CNTNAP5: variants seen among roughly 807,000 people sequenced by gnomAD.
The protein encoded by CNTNAP5 is contactin-associated protein-like 5.
CNTNAP5 carries 72 observed loss-of-function variants against 150.2 expected under a neutral mutation model. That is an observed-to-expected ratio of 0.48 (90% confidence interval 0.40 to 0.58). CNTNAP5 has a LOEUF of 0.58. CNTNAP5 is among the 20% of genes least tolerant of loss of function. CNTNAP5 has a pLI of 0.00. For missense variants in CNTNAP5, 1,636 were observed against 1,626.2 expected (o/e 1.01, Z -0.10); for synonymous variants, 672 against 619.8 (o/e 1.08, Z -1.25).
chr2:124,591,735 T>C (rs1696687923), intron 11 of CNTNAP5, among the ~76,000 whole-genome samples: 1 of 152,182 alleles, frequency 6.6e-6, no homozygotes, highest in Non-Finnish European at 1.5e-5. Context: ...TGGTGTCTTC[T>C]CTACCTCTGC....
chr2:124,642,952 G>T (rs949973701), intron 12 of CNTNAP5, among the ~76,000 whole-genome samples: 3 of 152,142 alleles, frequency 2.0e-5, no homozygotes, highest in Non-Finnish European at 4.4e-5. Flanking sequence ...AAGCCATGGG[G>T]CACAGTATTT....
chr2:124,826,774 A>C (rs1167624778), intron 19 of CNTNAP5, among the ~76,000 whole-genome samples: 1 of 152,046 alleles, frequency 6.6e-6, no homozygotes, highest in Non-Finnish European at 1.5e-5. Context: ...CTATTTCTGA[A>C]ACACCCCTGA....
At chr2:124,753,585 G>A (rs532445634) in intron 14 of CNTNAP5, among the ~76,000 whole-genome samples, 14 of 152,168 alleles carry the variant, frequency 9.2e-5, no homozygotes, top group East Asian at 3.9e-4. Context: ...TTCTATGCCC[G>A]GATTATTTCA....
chr2:124,888,652 A>C (rs757343783), intron 21 of CNTNAP5, among the ~76,000 whole-genome samples: 1 of 152,064 alleles, frequency 6.6e-6, no homozygotes, highest in African/African-American at 2.4e-5. Flanking sequence ...GATTCATATG[A>C]GATGGTATCT....
intron 1 of CNTNAP5, among the ~76,000 whole-genome samples, chr2:124,158,793 A>G (rs534064991): frequency 8.9e-4 from 136 of 152,236 alleles, no homozygotes; most frequent in Non-Finnish European, 1.7e-3. Context: ...TCTTACCAAG[A>G]CATCTCACTA....
chr2:124,377,772 T>A (rs1558874771), intron 3 of CNTNAP5, among the ~76,000 whole-genome samples: 1 of 151,170 alleles, frequency 6.6e-6, no homozygotes, highest in African/African-American at 2.4e-5. Context: ...TTTTAGGAAA[T>A]GTTATGGCTA....
intron 3 of CNTNAP5, among the ~76,000 whole-genome samples, chr2:124,365,774 T>C (rs1690356044): frequency 6.6e-6 from 1 of 152,202 alleles, no homozygotes; most frequent in Non-Finnish European, 1.5e-5. Flanking sequence ...ACATGAAAGA[T>C]CTAAAAGACA....
At chr2:124,824,367 A>G (rs548967071) in intron 19 of CNTNAP5, among the ~76,000 whole-genome samples, 147 of 152,254 alleles carry the variant, frequency 9.7e-4, no homozygotes, top group African/African-American at 3.4e-3. Flanking sequence ...GTACTTTCAA[A>G]CAGAAAATAG....
rs1338350093 is a variant in CNTNAP5 at position 124,644,604 on chromosome 2, T to C, written c.1877-3154T>C. Among the ~76,000 whole-genome samples, 4 of 152,298 alleles carry C rather than the reference T, an allele frequency of 2.6e-5. No homozygotes were observed. The East Asian group carries it at 5.8e-4, about 22-fold the overall frequency. On this transcript the variant is annotated intron_variant, in intron 12 of 23. Coordinates refer to ENST00000682447, the MANE Select transcript of CNTNAP5 (RefSeq NM_001367498.1). ...ACTTAGAAGGAAATATAAATCTATA[T>C]GAATTAGTAAATATGGAGACCAATT...
intron 10 of CNTNAP5, among the ~76,000 whole-genome samples, chr2:124,535,734 G>A (rs1054839150): frequency 9.9e-5 from 15 of 152,052 alleles, no homozygotes; most frequent in African/African-American, 1.2e-4. Context: ...CCGAGATCGC[G>A]CCACTGCACT....
chr2:124,278,704 G>T (rs1242609697), intron 3 of CNTNAP5, among the ~76,000 whole-genome samples: 1 of 152,146 alleles, frequency 6.6e-6, no homozygotes, highest in African/African-American at 2.4e-5. Context: ...CAAATAGCTT[G>T]AACTAAGGTG....
At chr2:124,614,529 G>A (rs945006670) in intron 12 of CNTNAP5, among the ~76,000 whole-genome samples, 4 of 152,126 alleles carry the variant, frequency 2.6e-5, no homozygotes, top group Admixed American at 2.6e-4. Flanking sequence ...GGAAAGTGGT[G>A]GGCAGTTCCC....
chr2:124,475,370 G>A (rs893104588), intron 7 of CNTNAP5, among the ~76,000 whole-genome samples: 3 of 151,990 alleles, frequency 2.0e-5, no homozygotes, highest in African/African-American at 4.8e-5. Flanking sequence ...TTCTAATTAA[G>A]TAACATTTGT....
In CNTNAP5 at chr2:124,427,753, G is replaced by A. The variant is rs145499253; in HGVS notation, c.530-6731G>A. 5.6e-3 allele frequency among the ~76,000 whole-genome samples: 846 copies of A among 152,098 alleles called. 9 individuals are homozygous for A. Among genetic ancestry groups the A allele is most frequent in the African/African-American group, 0.019 (782 of 41,476 alleles). ...ATTACAGGTGTGAGCCACCGTGCCC[G>A]GCCAAACCCATATTATTTTATTTTT... On this transcript the variant is annotated intron_variant, in intron 4 of 23. Coordinates refer to ENST00000682447, the MANE Select transcript of CNTNAP5 (RefSeq NM_001367498.1).
At chr2:124,791,380 G>A (rs1681725670) in intron 18 of CNTNAP5, among the ~76,000 whole-genome samples, 1 of 152,182 alleles carries the variant, frequency 6.6e-6, no homozygotes, top group Non-Finnish European at 1.5e-5. Context: ...AAATAAAACA[G>A]TTTCCATTCC....
At chr2:124,079,689 A>G (rs1682516587) in intron 1 of CNTNAP5, among the ~76,000 whole-genome samples, 1 of 152,118 alleles carries the variant, frequency 6.6e-6, no homozygotes, top group South Asian at 2.1e-4. Context: ...ATGTTTATTC[A>G]TGTGTATGTG....
At chr2:124,052,830 GA>G (rs1171031355) in intron 1 of CNTNAP5, among the ~76,000 whole-genome samples, 3 of 152,140 alleles carry the variant, frequency 2.0e-5, no homozygotes, top group Non-Finnish European at 4.4e-5. Context: ...CAATTATTCT[GA>G]ACTCTTGGCA....
chr2:124,572,236 A>T (rs1231619343), intron 11 of CNTNAP5, among the ~76,000 whole-genome samples: 1 of 151,910 alleles, frequency 6.6e-6, no homozygotes, highest in East Asian at 1.9e-4. Context: ...TCTGGGAGGG[A>T]GAGATCTGAG....
intron 21 of CNTNAP5, among the ~76,000 whole-genome samples, chr2:124,884,674 G>T (rs1373675801): frequency 6.6e-6 from 1 of 151,980 alleles, no homozygotes; most frequent in Non-Finnish European, 1.5e-5. Flanking sequence ...TAGAGAGAAA[G>T]AGGTTCTGAA....
Sources: allele counts gnomAD v4.1 joint callset (sites outside exome capture counted in the v4.1 genomes callset), GRCh38; gene constraint gnomAD v4.1.1; transcripts MANE v1.5; gene names NCBI Gene and HGNC (gene_info 2026-07-23, HGNC 2026-07-21).